The following SPON2 variants were observed in gnomAD, a reference collection of about 807,000 sequenced individuals.
SPON2 encodes the protein spondin 2.
SPON2 carries 32 observed loss-of-function variants against 29.9 expected under a neutral mutation model. The ratio of observed to expected loss-of-function variants is 1.07; its 90% CI spans 0.81 to 1.44. The LOEUF (loss-of-function observed/expected upper bound fraction) is 1.44, where lower values mean the gene tolerates loss of function less well. SPON2 is among the 40% of genes most tolerant of loss of function. The pLI, the probability that SPON2 is intolerant of heterozygous loss-of-function variation, is 0.00. For missense variants in SPON2, 541 were observed against 455.5 expected, an observed-to-expected ratio of 1.19 and a Z score of -1.71; for synonymous variants, 248 against 209.1, an observed-to-expected ratio of 1.19 and a Z score of -1.61.
chr4:1,180,980 T>C (rs1273879123), intron 1 of SPON2, among the ~76,000 whole-genome samples: 2 of 152,116 alleles, frequency 1.3e-5, no homozygotes, highest in African/African-American at 4.8e-5. Context: ...GATGAAATAA[T>C]AGCTGACACT....
intron 1 of SPON2, among the ~76,000 whole-genome samples, chr4:1,193,903 C>T (rs1190394893): frequency 6.1e-5 from 6 of 98,758 alleles, no homozygotes; most frequent in African/African-American, 2.2e-4. Flanking sequence ...GTGGGAAGGA[C>T]GTGCGGGTGG....
chr4:1,179,997 T>A (rs1283645961), intron 1 of SPON2, among the ~76,000 whole-genome samples: 1 of 151,160 alleles, frequency 6.6e-6, no homozygotes, highest in Admixed American at 6.6e-5. Flanking sequence ...AAGGAAAATC[T>A]GGGAAGTGAG....
chr4:1,175,145 G>A (rs1435648109), upstream of SPON2, among the ~76,000 whole-genome samples: 6 of 152,232 alleles, frequency 3.9e-5, no homozygotes, highest in Non-Finnish European at 8.8e-5. Flanking sequence ...GACAATCCTC[G>A]CTTTCTGGAC....
At chr4:1,198,246 C>G (rs1428432470), upstream of SPON2, among the ~76,000 whole-genome samples, 1 of 152,108 alleles carries the variant, frequency 6.6e-6, no homozygotes, top group Non-Finnish European at 1.5e-5. Context: ...GTGTAAAGTC[C>G]AGAATGACTC....
chr4:1,190,724 C>T (rs1727895409), intron 1 of SPON2, among the ~76,000 whole-genome samples: 1 of 152,122 alleles, frequency 6.6e-6, no homozygotes. Flanking sequence ...ATCAGAAATC[C>T]ATGCAAAAAC....
intron 1 of SPON2, among the ~76,000 whole-genome samples, chr4:1,181,705 C>T (rs1177532713): frequency 6.6e-6 from 1 of 152,170 alleles, no homozygotes; most frequent in African/African-American, 2.4e-5. Flanking sequence ...GACAGTTATG[C>T]ACATGTTCCT....
chr4:1,185,875 A>G (rs1727783074), intron 1 of SPON2, among the ~76,000 whole-genome samples: 1 of 152,162 alleles, frequency 6.6e-6, no homozygotes, highest in African/African-American at 2.4e-5. Context: ...ATTGGATATG[A>G]CACCAAAAAC....
chr4:1,170,361 C>T (rs767980653), intron 5 of SPON2, 41 bp downstream of exon 5: 20 of 1,586,662 alleles, frequency 1.3e-5, no homozygotes, highest in East Asian at 4.5e-5. Context: ...TGGCAGGGTT[C>T]GGGGCTGCTG....
intron 1 of SPON2, among the ~76,000 whole-genome samples, chr4:1,182,232 A>T (rs1294631776): frequency 2.0e-5 from 3 of 152,214 alleles, no homozygotes; most frequent in African/African-American, 7.2e-5. Flanking sequence ...AAAGAAAAAA[A>T]GTCAATAGAA....
rs1231405434 is a variant in SPON2, at chr4:1,167,243, G to A, written c.*229C>T. On this transcript the variant is annotated 3_prime_UTR_variant, in exon 6 of 6. Transcript: ENST00000290902. ...AGGAGGAGGAGGCTGAGAGCAGACG[G>A]GACACGGGGGCCCCTAAGAAGCAAG... 5.8e-6 allele frequency: 3 copies of A among 514,164 alleles called. No individual in the cohort carries two copies. Among genetic ancestry groups the A allele is most frequent in the African/African-American group, 3.9e-5 (2 of 51,636 alleles). 31.9% of individuals were successfully genotyped at this position (514,164 alleles called of 1,614,324 possible).
intron 1 of SPON2, chr4:1,194,887 C>A: frequency 6.9e-6 from 1 of 145,472 alleles, no homozygotes; most frequent in Non-Finnish European, 1.5e-5. Context: ...GGCTCCAACG[C>A]CACAGCCGGC....
chr4:1,201,585 CTT>C (rs762283392), intron 1 of SPON2: 97 of 146,484 alleles, frequency 6.6e-4, no homozygotes, highest in South Asian at 2.0e-3. Flanking sequence ...CTGATGCTGA[CTT>C]TTTTTTTTTT....
chr4:1,183,421 T>C (rs1727736106), intron 1 of SPON2, among the ~76,000 whole-genome samples: 1 of 152,146 alleles, frequency 6.6e-6, no homozygotes, highest in South Asian at 2.1e-4. Flanking sequence ...AAGATCTCAA[T>C]AAAAGTAGAT....
chr4:1,172,910 TCCTCCCCTCCCCTCCTCCCCTC>T (rs1727510942), upstream of SPON2: 1 of 15,386 alleles, frequency 6.5e-5, no homozygotes, highest in African/African-American at 2.8e-4. Flanking sequence ...TCCCCTCCCC[TCCTCCCCTCCCCTCCTCCCCTC>T]CCCCCTGTCC....
intron 1 of SPON2, among the ~76,000 whole-genome samples, chr4:1,185,545 T>C (rs1727776259): frequency 6.6e-6 from 1 of 150,402 alleles, no homozygotes; most frequent in African/African-American, 2.4e-5. Flanking sequence ...CCGTCTCTAT[T>C]AAAAATACAA....
chr4:1,184,847 G>T (rs1001529575), intron 1 of SPON2, among the ~76,000 whole-genome samples: 1 of 150,196 alleles, frequency 6.7e-6, no homozygotes, highest in Admixed American at 6.7e-5. Context: ...TGAGGCAGGA[G>T]AATCACTTGA....
rs116420501 is a variant in SPON2, at chr4:1,202,707, G to A, written c.-234+5173C>T. On this transcript the variant is annotated intron_variant, in intron 1 of 3. Transcript: ENST00000509233. The surrounding 1 kb of genome is among the most constrained non-coding windows in gnomAD (Gnocchi z 5.4). ...CCTCAGCTCCGGTGGGCATAGCCTCGGTGGGGACTCCGAGGCAGCTCCAAC... is the reference window on the plus strand; with the variant it reads ...CCTCAGCTCCGGTGGGCATAGCCTCAGTGGGGACTCCGAGGCAGCTCCAAC... Among the ~76,000 whole-genome samples, 1,367 of 152,218 alleles carry A rather than the reference G, an allele frequency of 9.0e-3. 18 individuals are homozygous for A. The highest frequency in any genetic ancestry group is 0.031 in the African/African-American group (1,274 of 41,536).
At position 1,170,401 on chromosome 4, in the gene SPON2, C is replaced by T. The variant is rs1266324530; in HGVS notation, c.811+1G>A. 2.5e-6 allele frequency: 4 copies of T among 1,612,428 alleles called. No homozygotes were observed. Among genetic ancestry groups the T allele is most frequent in the Non-Finnish European group, 3.4e-6 (4 of 1,179,548 alleles). On this transcript the variant is annotated splice_donor_variant, in intron 5 of 5. Coordinates refer to ENST00000290902, the MANE Select transcript of SPON2 (RefSeq NM_012445.4). LOFTEE classifies it high-confidence loss of function. Reference sequence around the variant, plus strand: ...TCCCATGTGACCTGTATGTCCGTTACCTGAGGCGCTGTCTACAATCTCATT... The same window carrying T: ...TCCCATGTGACCTGTATGTCCGTTATCTGAGGCGCTGTCTACAATCTCATT...
At chr4:1,207,671 A>G (rs112507494) in intron 1 of SPON2, among the ~76,000 whole-genome samples, 240 of 146,104 alleles carry the variant, frequency 1.6e-3, no homozygotes, top group African/African-American at 4.8e-3. Flanking sequence ...CCGCGCTTAC[A>G]CATGCTCCAG....
Sources: allele counts gnomAD v4.1 joint callset (sites outside exome capture counted in the v4.1 genomes callset), GRCh38; gene constraint gnomAD v4.1.1; non-coding constraint Gnocchi (gnomAD v3.1); transcripts MANE v1.5; gene names NCBI Gene and HGNC (gene_info 2026-07-23, HGNC 2026-07-21).